The following VPS9D1 variants were observed in gnomAD, a reference collection of about 807,000 sequenced individuals.
VPS9D1 encodes VPS9 domain containing 1, also known as VPS9 domain-containing protein 1.
Under a neutral mutation model 75.8 loss-of-function variants are expected in VPS9D1, and 78 were observed. The ratio of observed to expected loss-of-function variants is 1.03; its 90% CI spans 0.86 to 1.24. The LOEUF (loss-of-function observed/expected upper bound fraction) is 1.24. Among genes scored for constraint, VPS9D1 ranks in the 50% most tolerant of loss-of-function variants. The pLI, the probability that VPS9D1 is intolerant of heterozygous loss-of-function variation, is 0.00. For synonymous variants in VPS9D1, 481 were observed against 385.6 expected (o/e 1.25, Z -2.90); for missense variants, 1,057 against 847.7 (o/e 1.25, Z -3.07).
chr16:89,711,033 A>G (rs1378228398), intron 9 of VPS9D1, 23 bp from the exon 10 acceptor site: 4 of 1,434,900 alleles, frequency 2.8e-6, no homozygotes, highest in Middle Eastern at 2.5e-4. Context: ...AGGACGTGAG[A>G]ACGCGGCCAG....
At chr16:89,717,965 ACC>A (rs2061124346) in intron 2 of VPS9D1, 1 of 431,436 alleles carries the variant, frequency 2.3e-6, no homozygotes, top group Non-Finnish European at 4.6e-6. Flanking sequence ...GGCTCCCCCG[ACC>A]TCTGTGCTCC....
At chr16:89,711,718 G>A (rs1261323116) in intron 8 of VPS9D1, 164 bp downstream of exon 8, 8 of 886,298 alleles carry the variant, frequency 9.0e-6, no homozygotes, top group Non-Finnish European at 1.3e-5. Context: ...ACGCAGCCCT[G>A]GCCCCGCCCC....
At chr16:89,709,020 A>ACCCCTC in intron 12 of VPS9D1, 64 bp from the exon 13 acceptor site, 1 of 1,277,898 alleles carries the variant, frequency 7.8e-7, no homozygotes, top group Non-Finnish European at 1.0e-6. Context: ...CACCCCTTAT[A>ACCCCTC]CCCCGCCCAC....
intron 9 of VPS9D1, 129 bp from the exon 10 acceptor site, chr16:89,711,139 GC>G: frequency 1.6e-6 from 2 of 1,216,606 alleles, no homozygotes; most frequent in Non-Finnish European, 1.1e-6. Context: ...TGGAAAGTCT[GC>G]CCCCCGCCCC....
At chr16:89,718,332 C>T (rs1051078770) in intron 2 of VPS9D1, among the ~76,000 whole-genome samples, 1 of 152,170 alleles carries the variant, frequency 6.6e-6, no homozygotes, top group Non-Finnish European at 1.5e-5. Context: ...CTGTCCTCTC[C>T]CTCAAAGCTC....
At chr16:89,719,353 G>A (rs1225070426) in intron 1 of VPS9D1, 16 of 586,200 alleles carry the variant, frequency 2.7e-5, no homozygotes, top group Non-Finnish European at 3.5e-5. Context: ...GAGAGCCAGG[G>A]ACGAGCTGGA....
intron 4 of VPS9D1, among the ~76,000 whole-genome samples, chr16:89,714,121 A>G (rs1481846203): frequency 1.3e-5 from 2 of 152,016 alleles, no homozygotes; most frequent in African/African-American, 2.4e-5. Context: ...ATTTTTTAGT[A>G]GAGATGGGGT....
chr16:89,720,584 T>C, intron 1 of VPS9D1, 179 bp downstream of exon 1: 1 of 1,219,380 alleles, frequency 8.2e-7, no homozygotes, highest in Non-Finnish European at 1.0e-6. Context: ...CTGTCCAAGG[T>C]CACTGCACGC....
At chr16:89,709,739 A>C in intron 11 of VPS9D1, 38 bp downstream of exon 11, 1 of 1,612,820 alleles carries the variant, frequency 6.2e-7, no homozygotes, top group Non-Finnish European at 8.5e-7. Context: ...GCTGGAAGAC[A>C]CTAGGCCACG....
In VPS9D1 at chr16:89,708,886, G is replaced by A. The variant is rs774562526; in HGVS notation, c.1668C>T (p.Ala556=). ...CAGCTGCAGCGATGGGCGGGGGCCC[G>A]GCCTGGGGTGTGGCCTCTGGGGTGG... ...YCPTPEATPQ[A]GPPPIAAAAI... Residue 556 remains alanine (A), a synonymous_variant, in exon 13 of 15, where the codon GCC becomes GCT. Coordinates refer to ENST00000389386, the MANE Select transcript of VPS9D1 (RefSeq NM_004913.3). 35 of 1,592,476 alleles carry A rather than the reference G, an allele frequency of 2.2e-5. No homozygotes were observed. The highest frequency in any genetic ancestry group is 4.6e-5 in the South Asian group (4 of 87,546).
chr16:89,709,226 C>G lies in VPS9D1; in HGVS notation c.1597+1G>C, dbSNP rs1479325476. ...TCCCCCTGACTCTCGAACCTGCTGA[C>G]CTATGCACTCCAGCTTCTTCTGGGG... On this transcript the variant is annotated splice_donor_variant, in intron 12 of 14. Coordinates refer to ENST00000389386, the MANE Select transcript of VPS9D1 (RefSeq NM_004913.3). LOFTEE classifies it high-confidence loss of function. 1 of 1,612,010 alleles carries G rather than the reference C, an allele frequency of 6.2e-7. No homozygotes were observed. Among genetic ancestry groups the G allele is most frequent in the Admixed American group, 1.7e-5 (1 of 60,002 alleles).
chr16:89,713,569 C>T (rs2060991632), intron 4 of VPS9D1, among the ~76,000 whole-genome samples: 1 of 151,676 alleles, frequency 6.6e-6, no homozygotes, highest in South Asian at 2.1e-4. Flanking sequence ...TTTGGTTTTT[C>T]AAGAGAAGCT....
intron 13 of VPS9D1, 54 bp from the exon 14 acceptor site, chr16:89,708,585 A>G: frequency 6.4e-7 from 1 of 1,551,706 alleles, no homozygotes; most frequent in Non-Finnish European, 8.8e-7. Flanking sequence ...CTCACTCCGC[A>G]AACCCAGCAG....
In VPS9D1 at chr16:89,714,413, G is replaced by A. The variant is rs148003260; in HGVS notation, c.432-1697C>T. On this transcript the variant is annotated intron_variant, in intron 4 of 14. Coordinates refer to ENST00000389386, the MANE Select transcript of VPS9D1 (RefSeq NM_004913.3). ...AGTCTGTGACCCATGAAAGGAAGAA[G>A]TGTCCTGTCTCCTTTATACAGTTCC... is the stretch of plus-strand genomic sequence containing the variant. Among the ~76,000 whole-genome samples the A allele has an allele frequency of 3.4e-3, 525 of 152,330 alleles. 3 individuals are homozygous for A. The highest frequency in any genetic ancestry group is 0.011 in the African/African-American group (478 of 41,572).
Position 89,711,943 on chromosome 16 carries a change from G to A in VPS9D1, c.686C>T (p.Thr229Ile), listed in dbSNP as rs1396835249. The change falls in exon 8 of 15, where the codon ACC (threonine) becomes ATC (isoleucine). Residue 229 changes from threonine (T) to isoleucine (I), a missense_variant. Thr to Ile is a moderately conservative substitution (Grantham distance 89). Coordinates refer to ENST00000389386, the MANE Select transcript of VPS9D1 (RefSeq NM_004913.3). ...GGCCCGCTGCTCCCGTTCCTCCGGG[G>A]TCAGGGCGACTTGGCTGCAAAACCT... is the stretch of plus-strand genomic sequence containing the variant. ...NRRFCSQVAL[T>I]PEEREQRALY... The A allele has an allele frequency of 6.4e-7, 1 of 1,551,458 alleles. No individual in the cohort carries two copies. Among genetic ancestry groups the A allele is most frequent in the South Asian group, 1.2e-5 (1 of 84,118 alleles).
rs774790496 is a variant in VPS9D1 at position 89,712,504 on chromosome 16, G to A, written c.562C>T (p.Gln188Ter). Residue 188 changes from glutamine (Q) to a stop codon, truncating the protein, a stop_gained, in exon 6 of 15, where the codon CAG becomes TAG. Transcript: ENST00000389386. LOFTEE classifies it high-confidence loss of function. ...GCAATCACTAGGTTCTCCATCATCT[G>A]CCGCTGTAGAGAGAGGGTCTGGGGG... ...KTSLTLSLQR[Q>*]MMENLVIAKA... 6.8e-6 allele frequency: 11 copies of A among 1,613,108 alleles called. No homozygotes were observed. Among genetic ancestry groups the A allele is most frequent in the Non-Finnish European group, 8.5e-6 (10 of 1,179,960 alleles).
At chr16:89,712,213 C>A in intron 6 of VPS9D1, 114 bp from the exon 7 acceptor site, 2 of 1,471,722 alleles carry the variant, frequency 1.4e-6, no homozygotes, top group Non-Finnish European at 1.8e-6. Context: ...CGGTGAGGGG[C>A]TGTCCCCAGG....
At chr16:89,711,743 C>T (rs946929590) in intron 8 of VPS9D1, 139 bp downstream of exon 8, 2 of 1,097,868 alleles carry the variant, frequency 1.8e-6, no homozygotes. Flanking sequence ...CCGGGCCCTC[C>T]CACGGGCCTC....
intron 1 of VPS9D1, chr16:89,719,516 G>T: frequency 2.7e-6 from 1 of 364,752 alleles, no homozygotes; most frequent in Non-Finnish European, 5.4e-6. Context: ...TCATTCAGTG[G>T]CTTAAAAAAA....
Sources: allele counts gnomAD v4.1 joint callset (sites outside exome capture counted in the v4.1 genomes callset), GRCh38; gene constraint gnomAD v4.1.1; transcripts MANE v1.5; gene names NCBI Gene and HGNC (gene_info 2026-07-23, HGNC 2026-07-21).